The following RBBP8 variants were observed in gnomAD, a reference collection of about 807,000 sequenced individuals.
The protein encoded by RBBP8 is RB binding protein 8, endonuclease, also known as DNA endonuclease RBBP8.
RBBP8 carries 88 observed loss-of-function variants against 108.3 expected under a neutral mutation model. The ratio of observed to expected loss-of-function variants is 0.81; its 90% CI spans 0.68 to 0.97. The LOEUF (loss-of-function observed/expected upper bound fraction) is 0.97, where lower values mean the gene tolerates loss of function less well. Ranked by LOEUF, RBBP8 falls within the 50% of genes least tolerant of loss-of-function variation. The pLI is 0.00. For missense variants in RBBP8, 1,023 were observed against 1,049.0 expected, an observed-to-expected ratio of 0.98 and a Z score of 0.34; for synonymous variants, 332 against 348.2, an observed-to-expected ratio of 0.95 and a Z score of 0.52.
chr18:22,962,546 G>GT (rs548635743), intron 4 of RBBP8, among the ~76,000 whole-genome samples: 278 of 150,132 alleles, frequency 1.9e-3, no homozygotes, highest in Middle Eastern at 0.017. Context: ...GTATCACCTT[G>GT]TTTTTTTTTC....
At chr18:22,970,774 G>A (rs1914017123) in intron 5 of RBBP8, among the ~76,000 whole-genome samples, 1 of 152,006 alleles carries the variant, frequency 6.6e-6, no homozygotes, top group African/African-American at 2.4e-5. Context: ...TATATATTAT[G>A]GAAGGATTAT....
At chr18:22,958,414 T>G (rs1018706948) in intron 4 of RBBP8, among the ~76,000 whole-genome samples, 1 of 152,250 alleles carries the variant, frequency 6.6e-6, no homozygotes, top group Non-Finnish European at 1.5e-5. Context: ...TATGTTATGA[T>G]AATGACTTAT....
At chr18:22,986,951 G>A (rs1915369969) in intron 8 of RBBP8, among the ~76,000 whole-genome samples, 1 of 152,128 alleles carries the variant, frequency 6.6e-6, no homozygotes, top group Non-Finnish European at 1.5e-5. Flanking sequence ...CCAGGTCTTT[G>A]CTCCATTATT....
chr18:22,955,691 C>T (rs1471337525), intron 4 of RBBP8, among the ~76,000 whole-genome samples: 1 of 151,840 alleles, frequency 6.6e-6, no homozygotes, highest in Non-Finnish European at 1.5e-5. Flanking sequence ...CATTCTCCTG[C>T]CTCAGCCTCC....
At chr18:22,976,456 A>T (rs1293281238) in intron 6 of RBBP8, among the ~76,000 whole-genome samples, 1 of 152,146 alleles carries the variant, frequency 6.6e-6, no homozygotes, top group East Asian at 1.9e-4. Flanking sequence ...GTTGTTCACA[A>T]CCTAACCTCA....
chr18:22,980,965 C>CTTTGTTTTTTT (rs1914880400), intron 6 of RBBP8, among the ~76,000 whole-genome samples: 1 of 69,490 alleles, frequency 1.4e-5, no homozygotes, highest in Non-Finnish European at 2.6e-5. Context: ...CCACTTATGT[C>CTTTGTTTTTTT]TTTTTTTTTT....
At chr18:22,940,243 A>G (rs1910959779) in intron 2 of RBBP8, among the ~76,000 whole-genome samples, 1 of 151,912 alleles carries the variant, frequency 6.6e-6, no homozygotes, top group African/African-American at 2.4e-5. Flanking sequence ...ATTGCTTTAT[A>G]TAGTATTGAC....
At chr18:22,929,633 G>A (rs538617528), upstream of RBBP8, among the ~76,000 whole-genome samples, 7 of 151,964 alleles carry the variant, frequency 4.6e-5, no homozygotes, top group African/African-American at 1.7e-4. Flanking sequence ...AGCCTCCCGC[G>A]GGCCTCCCAC....
At chr18:22,961,492 G>A (rs1032048276) in intron 4 of RBBP8, among the ~76,000 whole-genome samples, 5 of 152,092 alleles carry the variant, frequency 3.3e-5, no homozygotes, top group Non-Finnish European at 7.4e-5. Flanking sequence ...TAACAAAATG[G>A]CTCAATATAA....
At chr18:22,923,685 T>C (rs796875569) in intron 3 of RBBP8, among the ~76,000 whole-genome samples, 3 of 152,310 alleles carry the variant, frequency 2.0e-5, no homozygotes, top group African/African-American at 4.8e-5. Flanking sequence ...GCTGGGAATA[T>C]GGTTATATGC....
chr18:23,001,573 CTCTTTTACATAGATGAAGAA>C lies in RBBP8; in HGVS notation c.2144-12_2151del. ...GCTTGCTTATTGCCCTAAGCCAGTG[CTCTTTTACATAGATGAAGAA>C]AGAAAAATGAATGATAGCTTGGAAG... is the stretch of plus-strand genomic sequence containing the variant. On this transcript the variant is annotated splice_acceptor_variant and splice_polypyrimidine_tract_variant and coding_sequence_variant and intron_variant, in exon 15 of 19. Coordinates refer to ENST00000327155, the MANE Select transcript of RBBP8 (RefSeq NM_002894.3). LOFTEE classifies it high-confidence loss of function. 1 of 1,614,036 alleles carries C rather than the reference CTCTTTTACATAGATGAAGAA, an allele frequency of 6.2e-7. No individual in the cohort carries two copies. Among genetic ancestry groups the C allele is most frequent in the South Asian group, 1.1e-5 (1 of 91,078 alleles).
chr18:22,919,105 T>C (rs758959169), intron 3 of RBBP8, among the ~76,000 whole-genome samples: 7 of 152,222 alleles, frequency 4.6e-5, no homozygotes, highest in Non-Finnish European at 1.0e-4. Flanking sequence ...CTAAAGATAA[T>C]ATTAAATTAG....
At chr18:22,985,212 G>GCCTTCTTTACTTAA in intron 8 of RBBP8, 1 of 235,506 alleles carries the variant, frequency 4.2e-6, no homozygotes, top group Non-Finnish European at 6.9e-6. Flanking sequence ...TTTAAGTAAA[G>GCCTTCTTTACTTAA]AAGGCTTTAC....
In RBBP8 at chr18:22,934,966, TTAAA is replaced by T. The variant is rs975330328; in HGVS notation, c.-99+1406_-99+1409del. ...ATATTCTATAATATATAATTATATATTAAATAATATATAAATACAAATATTAATA... is the reference window on the plus strand; with the variant it reads ...ATATTCTATAATATATAATTATATATTAATATATAAATACAAATATTAATA... On this transcript the variant is annotated intron_variant, in intron 1 of 18. Coordinates refer to ENST00000327155, the MANE Select transcript of RBBP8 (RefSeq NM_002894.3). 2.2e-3 allele frequency among the ~76,000 whole-genome samples: 319 copies of T among 148,244 alleles called. 1 individual carries two copies. The highest frequency in any genetic ancestry group is 7.4e-3 in the African/African-American group (302 of 40,900).
At position 23,001,663 on chromosome 18, in the gene RBBP8, G is replaced by A. The variant is rs781778583; in HGVS notation, c.2221G>A (p.Ala741Thr). The A allele has an allele frequency of 5.6e-6, 9 of 1,614,068 alleles. No homozygotes were observed. The highest frequency in any genetic ancestry group is 6.8e-6 in the Non-Finnish European group (8 of 1,180,000). The change falls in exon 15 of 19, where the codon GCA (alanine) becomes ACA (threonine). Residue 741 changes from alanine (A) to threonine (T), a missense_variant. By Grantham distance (58) the Ala-to-Thr change is moderately conservative (BLOSUM62 0). Transcript: ENST00000327155. ...ACATGAAGAGTATGAATCCTGTTTG[G>A]CAGACAGTTTCTCCCAAGCAGCAGA... ...TTHEEYESCL[A>T]DSFSQAADEE...
intron 4 of RBBP8, among the ~76,000 whole-genome samples, chr18:22,952,019 G>A (rs1912090512): frequency 6.6e-6 from 1 of 152,154 alleles, no homozygotes; most frequent in African/African-American, 2.4e-5. Flanking sequence ...AAATGTGAAA[G>A]TCTAGGGTAG....
chr18:23,022,203 TC>T lies in RBBP8; in HGVS notation c.2531del (p.Pro844HisfsTer57), dbSNP rs866538096. On this transcript the variant is annotated frameshift_variant, in exon 18 of 19. Coordinates refer to ENST00000327155, the MANE Select transcript of RBBP8 (RefSeq NM_002894.3). LOFTEE classifies it high-confidence loss of function. Reference sequence around the variant, plus strand: ...GCTCAAGACACCGATTCCGCTACATTCCACCCAACACACCAGAGAATTTTTG... The same window carrying T: ...GCTCAAGACACCGATTCCGCTACATTCACCCAACACACCAGAGAATTTTTG... ...SCSRHRFRYI[P>X]PNTPENFWEV... 7.4e-6 allele frequency: 12 copies of T among 1,612,034 alleles called. No individual in the cohort carries two copies. Among genetic ancestry groups the T allele is most frequent in the Non-Finnish European group, 1.0e-5 (12 of 1,178,174 alleles).
intron 5 of RBBP8, among the ~76,000 whole-genome samples, chr18:22,971,233 C>T (rs1181633421): frequency 1.3e-5 from 2 of 152,088 alleles, no homozygotes; most frequent in Admixed American, 1.3e-4. Context: ...GACCCTCCCA[C>T]TCACTCCATC....
At chr18:22,924,525 G>A (rs554810114) in intron 3 of RBBP8, among the ~76,000 whole-genome samples, 1 of 150,500 alleles carries the variant, frequency 6.6e-6, no homozygotes, top group Non-Finnish European at 1.5e-5. Flanking sequence ...AGGCTCAAGA[G>A]ATCTTCCCGC....
Sources: gnomAD v4.1 joint callset for allele counts (sites outside exome capture counted in the v4.1 genomes callset) on GRCh38, gnomAD v4.1.1 for gene constraint, MANE v1.5 for transcripts, NCBI Gene and HGNC (gene_info 2026-07-23, HGNC 2026-07-21) for gene names.